NCEH1: variants seen among roughly 807,000 people sequenced by gnomAD.
The protein encoded by NCEH1 is neutral cholesterol ester hydrolase 1, also known as 2-acetyl MAGE hydrolase.
NCEH1 carries 9 observed loss-of-function variants against 25.4 expected under a neutral mutation model. The observed-to-expected ratio is 0.35, with a 90% CI of 0.21 to 0.62. The LOEUF is 0.62. Ranked by LOEUF, NCEH1 falls within the 20% of genes least tolerant of loss-of-function variation. NCEH1 has a pLI of 0.72. For missense variants in NCEH1, 412 were observed against 501.1 expected (o/e 0.82, Z 1.70); for synonymous variants, 200 against 199.8 (o/e 1.00, Z -0.01).
chr3:172,632,122 G>A lies in NCEH1; in HGVS notation c.*1353C>T, dbSNP rs187776749. 1,039 of 152,558 alleles carry A rather than the reference G, an allele frequency of 6.8e-3. 5 individuals are homozygous for A. The highest frequency in any genetic ancestry group is 9.2e-3 in the Non-Finnish European group (623 of 68,038). 9.5% of individuals were successfully genotyped at this position (152,558 alleles called of 1,614,324 possible). On this transcript the variant is annotated 3_prime_UTR_variant, in exon 5 of 5. Coordinates refer to ENST00000475381, the MANE Select transcript of NCEH1 (RefSeq NM_020792.6). ...TTGTGTTCCTCTGACCCTAAAAAGC[G>A]GAGATGAGCAGTGTGTGCCTTGCCT...
At chr3:172,665,309 A>G (rs1224975222) in intron 1 of NCEH1, among the ~76,000 whole-genome samples, 1 of 152,196 alleles carries the variant, frequency 6.6e-6, no homozygotes, top group Non-Finnish European at 1.5e-5. Flanking sequence ...AACAGCAAAG[A>G]TTGCAGAACA....
intron 3 of NCEH1, among the ~76,000 whole-genome samples, chr3:172,644,464 T>C (rs923095567): frequency 6.6e-6 from 1 of 152,164 alleles, no homozygotes; most frequent in Non-Finnish European, 1.5e-5. Context: ...GTGGTTGGCG[T>C]CATGGCCCTG....
intron 1 of NCEH1, among the ~76,000 whole-genome samples, chr3:172,677,789 G>T (rs1424618960): frequency 6.6e-6 from 1 of 152,118 alleles, no homozygotes; most frequent in Non-Finnish European, 1.5e-5. Flanking sequence ...TTAGCCAGGC[G>T]TGGTGGTGGG....
At chr3:172,679,725 T>G (rs1328734195) in intron 1 of NCEH1, among the ~76,000 whole-genome samples, 1 of 152,094 alleles carries the variant, frequency 6.6e-6, no homozygotes, top group Admixed American at 6.5e-5. Flanking sequence ...CAGCAAGCTT[T>G]GATATGCAAA....
chr3:172,647,358 T>C (rs1717167323), intron 2 of NCEH1, among the ~76,000 whole-genome samples: 1 of 152,236 alleles, frequency 6.6e-6, no homozygotes. Context: ...TCTTGAACTT[T>C]GCAAGATTGT....
At chr3:172,642,467 C>CA (rs1414236492) in intron 3 of NCEH1, among the ~76,000 whole-genome samples, 1 of 151,954 alleles carries the variant, frequency 6.6e-6, no homozygotes, top group African/African-American at 2.4e-5. Flanking sequence ...TGAGCCACTA[C>CA]ACCAGGCCTG....
intron 2 of NCEH1, among the ~76,000 whole-genome samples, chr3:172,646,872 T>G (rs931164859): frequency 2.0e-5 from 3 of 152,224 alleles, no homozygotes; most frequent in Admixed American, 2.0e-4. Context: ...TATTCATTTT[T>G]GTATCCCTAC....
chr3:172,692,532 T>G (rs1214037759), intron 1 of NCEH1, among the ~76,000 whole-genome samples: 2 of 151,318 alleles, frequency 1.3e-5, no homozygotes, highest in Admixed American at 6.6e-5. Flanking sequence ...TAATTTTTTT[T>G]TTTTAATTTT....
chr3:172,700,934 G>A (rs1308381275), intron 1 of NCEH1, among the ~76,000 whole-genome samples: 1 of 151,860 alleles, frequency 6.6e-6, no homozygotes, highest in Non-Finnish European at 1.5e-5. Context: ...TTATAAATAT[G>A]AGGTATACTA....
intron 1 of NCEH1, among the ~76,000 whole-genome samples, chr3:172,665,240 G>A (rs1415643485): frequency 2.0e-5 from 3 of 152,216 alleles, no homozygotes; most frequent in African/African-American, 7.2e-5. Flanking sequence ...GTCTGTTGGA[G>A]TTCGCTGGAG....
chr3:172,708,750 A>C (rs1242452748), intron 1 of NCEH1, among the ~76,000 whole-genome samples: 1 of 152,212 alleles, frequency 6.6e-6, no homozygotes, highest in Non-Finnish European at 1.5e-5. Context: ...AAAGGTAAGC[A>C]TTCTTATAGA....
rs547980073 is a variant in NCEH1, at chr3:172,642,619, A to G, written c.437+3004T>C. Among the ~76,000 whole-genome samples, 386 of 150,380 alleles carry G rather than the reference A, an allele frequency of 2.6e-3. 1 individual carries two copies. The highest frequency in any genetic ancestry group is 3.8e-3 in the Non-Finnish European group (255 of 67,830). On this transcript the variant is annotated intron_variant, in intron 3 of 4. Coordinates refer to ENST00000475381, the MANE Select transcript of NCEH1 (RefSeq NM_020792.6). The stretch of plus-strand genomic sequence containing the variant: ...CTATTTCTACAAAAAAAAAAAAAAA[A>G]AAAAAGAAAAAGAAAAAAAAGTACT...
At chr3:172,706,751 T>C (rs993098415) in intron 1 of NCEH1, among the ~76,000 whole-genome samples, 4 of 152,020 alleles carry the variant, frequency 2.6e-5, no homozygotes, top group Non-Finnish European at 4.4e-5. Flanking sequence ...CCCGCCCGCC[T>C]CGACCTCCCA....
chr3:172,665,677 A>G (rs535949802), intron 1 of NCEH1, among the ~76,000 whole-genome samples: 1 of 152,324 alleles, frequency 6.6e-6, no homozygotes, highest in African/African-American at 2.4e-5. Flanking sequence ...TACCTCATCA[A>G]GCCTCAGCAA....
At chr3:172,681,459 G>T (rs558449993) in intron 1 of NCEH1, among the ~76,000 whole-genome samples, 54 of 152,170 alleles carry the variant, frequency 3.5e-4, no homozygotes, top group African/African-American at 1.2e-3. Flanking sequence ...AATTTAACTT[G>T]AAACTATTAT....
chr3:172,671,506 TACAC>T (rs537504265), intron 1 of NCEH1, among the ~76,000 whole-genome samples: 12 of 143,236 alleles, frequency 8.4e-5, no homozygotes, highest in Admixed American at 3.5e-4. Context: ...CACATACACA[TACAC>T]ACACACACAC....
intron 1 of NCEH1, among the ~76,000 whole-genome samples, chr3:172,659,009 A>G (rs1301200557): frequency 2.0e-5 from 3 of 151,918 alleles, no homozygotes; most frequent in Non-Finnish European, 4.4e-5. Context: ...CACTGTTCTC[A>G]TTGTCAAGGA....
At chr3:172,665,578 T>C (rs1718169140) in intron 1 of NCEH1, among the ~76,000 whole-genome samples, 1 of 152,256 alleles carries the variant, frequency 6.6e-6, no homozygotes, top group South Asian at 2.1e-4. Context: ...AGCTATGCCC[T>C]GCCCCCAGAG....
In NCEH1 at chr3:172,711,063, C is replaced by G; in HGVS notation, c.-79G>C. 2 of 1,608,484 alleles carry G rather than the reference C, an allele frequency of 1.2e-6. No homozygotes were observed. Among genetic ancestry groups the G allele is most frequent in the Non-Finnish European group, 1.7e-6 (2 of 1,175,886 alleles). On this transcript the variant is annotated 5_prime_UTR_variant, in exon 1 of 5. Transcript: ENST00000475381. ...CCCGGAGACCTCCGGCAACTTTCTG[C>G]CCGCGGCAGCTGCTCATTCACGCGT...
Sources: gnomAD v4.1 joint callset for allele counts (sites outside exome capture counted in the v4.1 genomes callset) on GRCh38, gnomAD v4.1.1 for gene constraint, MANE v1.5 for transcripts, NCBI Gene and HGNC (gene_info 2026-07-23, HGNC 2026-07-21) for gene names.